Variants in ADCY8 observed in about 807,000 individuals in gnomAD.
The protein encoded by ADCY8 is adenylate cyclase type 8.
A neutral mutation model predicts 119.7 loss-of-function variants in ADCY8; 51 were observed. That is an observed-to-expected ratio of 0.43 (90% CI 0.34 to 0.54). ADCY8 has a LOEUF of 0.54. Ranked by LOEUF, ADCY8 falls within the 20% of genes least tolerant of loss-of-function variation. The pLI is 0.03. For missense variants in ADCY8, 1,383 were observed against 1,598.8 expected, an observed-to-expected ratio of 0.87 and a Z score of 2.30; for synonymous variants, 665 against 651.0, an observed-to-expected ratio of 1.02 and a Z score of -0.33.
chr8:130,819,154 G>A (rs1248934370), intron 13 of ADCY8, among the ~76,000 whole-genome samples: 1 of 152,136 alleles, frequency 6.6e-6, no homozygotes, highest in Non-Finnish European at 1.5e-5. Context: ...TAAGTAAATT[G>A]TTGAAAGTCA....
In ADCY8 at chr8:130,920,210, T is replaced by C. The variant is rs984627916; in HGVS notation, c.1482-10344A>G. On this transcript the variant is annotated intron_variant, in intron 5 of 17. Transcript: ENST00000286355. ...ATGTAAACCAAGTTCTCCTGAATTC[T>C]AAATCCTAAGCATTTCCTATTATAT... 2.7e-5 allele frequency among the ~76,000 whole-genome samples: 4 copies of C among 149,478 alleles called. No individual in the cohort carries two copies. The East Asian group carries it at 8.1e-4, about 30-fold the overall frequency.
intron 1 of ADCY8, among the ~76,000 whole-genome samples, chr8:131,010,290 G>A (rs1445226635): frequency 6.6e-6 from 1 of 152,174 alleles, no homozygotes; most frequent in Admixed American, 6.5e-5. Context: ...AGTGTTATGG[G>A]GAGATGCTGC....
chr8:130,924,409 C>G (rs6995900), intron 5 of ADCY8, among the ~76,000 whole-genome samples: 106,586 of 152,094 alleles, frequency 0.7, 37,898 homozygotes, highest in African/African-American at 0.82. Flanking sequence ...AGGGGACTGA[C>G]GCCCTTTGCT....
At chr8:130,871,119 A>C (rs1818338874) in intron 8 of ADCY8, among the ~76,000 whole-genome samples, 1 of 152,208 alleles carries the variant, frequency 6.6e-6, no homozygotes, top group South Asian at 2.1e-4. Context: ...GGACTTCGAA[A>C]AGAAAATTCC....
Position 130,889,867 on chromosome 8 carries a change from A to G in ADCY8, c.1912-5106T>C, listed in dbSNP as rs185801150. Among the ~76,000 whole-genome samples the G allele has an allele frequency of 3.9e-3, 597 of 152,240 alleles. 4 individuals are homozygous for G. Among genetic ancestry groups the G allele is most frequent in the Non-Finnish European group, 6.2e-3 (422 of 67,994 alleles). ...GCATTGAAACATGTAGCATCTAGGC[A>G]TGTATCCTACTGCTACTATAAAAAA... On this transcript the variant is annotated intron_variant, in intron 7 of 17. Coordinates refer to ENST00000286355, the MANE Select transcript of ADCY8 (RefSeq NM_001115.3).
At chr8:130,899,529 C>A (rs1819524875) in intron 7 of ADCY8, among the ~76,000 whole-genome samples, 1 of 152,028 alleles carries the variant, frequency 6.6e-6, no homozygotes, top group Non-Finnish European at 1.5e-5. Context: ...TCGCTGGAAC[C>A]CGGGAGGCGG....
At chr8:130,875,963 A>G (rs540757376) in intron 8 of ADCY8, among the ~76,000 whole-genome samples, 6 of 152,372 alleles carry the variant, frequency 3.9e-5, no homozygotes, top group African/African-American at 1.4e-4. Context: ...AGCACTATTT[A>G]CAATAGTTAT....
chr8:130,883,676 C>T (rs1477233122), intron 8 of ADCY8, among the ~76,000 whole-genome samples: 6 of 152,096 alleles, frequency 3.9e-5, no homozygotes, highest in Non-Finnish European at 7.4e-5. Flanking sequence ...TGTTCCTGCC[C>T]AAGGCTCCTG....
chr8:130,811,275 G>T (rs1380397786), intron 14 of ADCY8, among the ~76,000 whole-genome samples: 2 of 152,124 alleles, frequency 1.3e-5, no homozygotes, highest in Non-Finnish European at 2.9e-5. Flanking sequence ...TGGCTCAGAT[G>T]AAAAATGGAC....
intron 8 of ADCY8, among the ~76,000 whole-genome samples, chr8:130,880,924 A>G (rs1408344369): frequency 2.0e-5 from 3 of 152,226 alleles, no homozygotes; most frequent in African/African-American, 7.2e-5. Flanking sequence ...CAACGTCCTC[A>G]TTTCACAGAT....
intron 2 of ADCY8, among the ~76,000 whole-genome samples, chr8:130,983,023 T>C (rs926304054): frequency 1.3e-5 from 2 of 152,188 alleles, no homozygotes; most frequent in Admixed American, 6.5e-5. Context: ...CACAAATATA[T>C]GCAGAGTGGG....
intron 7 of ADCY8, among the ~76,000 whole-genome samples, chr8:130,900,983 T>G (rs1819579524): frequency 6.6e-6 from 1 of 152,188 alleles, no homozygotes; most frequent in Non-Finnish European, 1.5e-5. Flanking sequence ...TTATTTTAGT[T>G]GGAAGTTCTA....
intron 1 of ADCY8, among the ~76,000 whole-genome samples, chr8:131,020,631 C>T (rs1457555231): frequency 6.6e-6 from 1 of 152,136 alleles, no homozygotes; most frequent in Non-Finnish European, 1.5e-5. Context: ...CTACATCTTA[C>T]CAATTATTTA....
chr8:130,799,133 G>T (rs995340478), intron 15 of ADCY8, among the ~76,000 whole-genome samples: 3 of 152,070 alleles, frequency 2.0e-5, no homozygotes, highest in Non-Finnish European at 4.4e-5. Flanking sequence ...AACCTGGGGG[G>T]TGGGGTGGGA....
At chr8:130,944,762 A>T (rs1301233407) in intron 3 of ADCY8, among the ~76,000 whole-genome samples, 1 of 152,216 alleles carries the variant, frequency 6.6e-6, no homozygotes, top group African/African-American at 2.4e-5. Flanking sequence ...TTAGTTAATT[A>T]TTGAATGGCT....
At chr8:130,969,439 G>A (rs186382217) in intron 2 of ADCY8, among the ~76,000 whole-genome samples, 1 of 151,922 alleles carries the variant, frequency 6.6e-6, no homozygotes, top group Non-Finnish European at 1.5e-5. Flanking sequence ...ACATTCTCTT[G>A]GCTCTGTTTC....
chr8:130,816,330 GA>G (rs1816339512), intron 13 of ADCY8, among the ~76,000 whole-genome samples: 1 of 151,490 alleles, frequency 6.6e-6, no homozygotes, highest in Non-Finnish European at 1.5e-5. Context: ...TCCAAGAGGA[GA>G]AAAGTGTATA....
intron 12 of ADCY8, among the ~76,000 whole-genome samples, chr8:130,833,251 G>A (rs947615049): frequency 3.3e-5 from 5 of 152,128 alleles, no homozygotes; most frequent in African/African-American, 7.2e-5. Context: ...GTTTGAATAC[G>A]GATCTGTTAT....
intron 1 of ADCY8, among the ~76,000 whole-genome samples, chr8:131,026,451 A>G (rs1426224483): frequency 6.6e-6 from 1 of 152,178 alleles, no homozygotes; most frequent in Non-Finnish European, 1.5e-5. Context: ...ATGTTCAATA[A>G]TATAAGTGAA....
Sources: allele counts gnomAD v4.1 joint callset (sites outside exome capture counted in the v4.1 genomes callset), GRCh38; gene constraint gnomAD v4.1.1; transcripts MANE v1.5; gene names NCBI Gene and HGNC (gene_info 2026-07-23, HGNC 2026-07-21).